Variants in CACNA1B observed in about 807,000 individuals in gnomAD.
CACNA1B encodes voltage-dependent N-type calcium channel subunit alpha-1B.
A neutral mutation model predicts 247.2 loss-of-function variants in CACNA1B; 70 were observed. That is an observed-to-expected ratio of 0.28 (90% CI 0.23 to 0.35). The LOEUF (loss-of-function observed/expected upper bound fraction) is 0.35. Ranked by LOEUF, CACNA1B falls within the 10% of genes least tolerant of loss-of-function variation. The pLI, the probability that CACNA1B is intolerant of heterozygous loss-of-function variation, is 1.00. For missense variants in CACNA1B, 2,367 were observed against 3,197.4 expected (o/e 0.74, Z 6.26); for synonymous variants, 1,231 against 1,294.4 (o/e 0.95, Z 1.05).
chr9:137,955,961 T>C lies in CACNA1B; in HGVS notation c.1186+148T>C, dbSNP rs2133343478. 4.5e-6 allele frequency: 3 copies of C among 662,460 alleles called. No homozygotes were observed. The highest frequency in any genetic ancestry group is 1.7e-5 in the South Asian group (1 of 60,350). The allele number at this position is 662,460 out of a possible 1,614,324, so 41.0% of individuals were successfully genotyped here. ...TGAGCAGAGTGAGAAGGGATTTCTC[T>C]CTAGCTCACCCAGGGGCCTGGCACC... is the stretch of plus-strand genomic sequence containing the variant. On this transcript the variant is annotated intron_variant, in intron 8 of 46. Transcript: ENST00000371372. The surrounding 1 kb of genome is among the most constrained non-coding windows in gnomAD (Gnocchi z 6.9).
chr9:138,048,131 A>T (rs1172695342), intron 23 of CACNA1B, among the ~76,000 whole-genome samples: 4 of 152,210 alleles, frequency 2.6e-5, no homozygotes, highest in Non-Finnish European at 5.9e-5. Flanking sequence ...ATGCATGAAC[A>T]CGTTACCTCT....
At position 137,956,808 on chromosome 9, in the gene CACNA1B, G is replaced by A; in HGVS notation, c.1224G>A (p.Glu408=). The change falls in exon 9 of 47, where the codon GAG becomes GAA. Residue 408 remains glutamate (E), a synonymous_variant. Transcript: ENST00000371372. ...VMLAEEDRNA[E]EKSPLDVLKR... ...TGGCCGAGGAGGACAGGAATGCAGA[G>A]GAGAAGTCCCCTTTGGACGGTAGGT... is the stretch of plus-strand genomic sequence containing the variant. The A allele has an allele frequency of 6.2e-7, 1 of 1,613,794 alleles. No homozygotes were observed. Among genetic ancestry groups the A allele is most frequent in the South Asian group, 1.1e-5 (1 of 91,074 alleles).
intron 16 of CACNA1B, among the ~76,000 whole-genome samples, chr9:138,009,221 G>A (rs886620185): frequency 2.0e-5 from 3 of 152,212 alleles, no homozygotes; most frequent in African/African-American, 7.2e-5. Flanking sequence ...CTTCCCTTTG[G>A]GCCTTGGTTT....
Position 137,971,099 on chromosome 9 carries a change from T to G in CACNA1B, c.1334-284T>G, listed in dbSNP as rs1958141281. ...GAGAGTGGCCTGGGGGCATCAGGGC[T>G]GTGCTCCTAGAAGGTGGCTGGGGAT... On this transcript the variant is annotated intron_variant, in intron 10 of 46. Coordinates refer to ENST00000371372, the MANE Select transcript of CACNA1B (RefSeq NM_000718.4). This position sits in a 1 kb window ranked among gnomAD's most constrained non-coding sequence, Gnocchi z 4.4. 6.6e-6 allele frequency among the ~76,000 whole-genome samples: 1 copy of G among 152,124 alleles called. No individual in the cohort carries two copies.
chr9:138,023,701 G>C lies in CACNA1B; in HGVS notation c.2958G>C (p.Gln986His). ...GGCACCGGGCCCGGCACAAGGCGCA[G>C]CCTGCTCACGAGGCTGTGGAGAAGG... ...ARRHRARHKA[Q>H]PAHEAVEKET... is the part of the protein sequence containing the mutation. Residue 986 changes from glutamine to histidine, a missense_variant, in exon 19 of 47, where the codon CAG becomes CAC. Gln to His is a conservative substitution (Grantham distance 24, BLOSUM62 0). This residue lies in a region of CACNA1B where 631 missense variants were observed against 631.1 expected (regional missense o/e 1.00). Coordinates refer to ENST00000371372, the MANE Select transcript of CACNA1B (RefSeq NM_000718.4). The C allele has an allele frequency of 6.5e-7, 1 of 1,540,154 alleles. No homozygotes were observed. The highest frequency in any genetic ancestry group is 8.8e-7 in the Non-Finnish European group (1 of 1,142,642).
intron 42 of CACNA1B, among the ~76,000 whole-genome samples, chr9:138,116,036 C>T (rs905508102): frequency 3.9e-5 from 6 of 152,334 alleles, no homozygotes; most frequent in African/African-American, 7.2e-5. Context: ...TCATCGAACC[C>T]GCCTTCCTAA....
chr9:137,901,478 AC>A (rs1482985015), intron 3 of CACNA1B, among the ~76,000 whole-genome samples: 1 of 152,014 alleles, frequency 6.6e-6, no homozygotes, highest in Admixed American at 6.6e-5. Context: ...GGCGCATACC[AC>A]CAAGCCCAGC....
chr9:138,019,630 G>A (rs1958817228), intron 18 of CACNA1B, among the ~76,000 whole-genome samples: 1 of 151,948 alleles, frequency 6.6e-6, no homozygotes, highest in African/African-American at 2.4e-5. Flanking sequence ...TAGTGGTGGT[G>A]AGGCCCCTGC....
chr9:137,984,847 G>T (rs1009791475), intron 13 of CACNA1B, among the ~76,000 whole-genome samples: 1 of 152,240 alleles, frequency 6.6e-6, no homozygotes, highest in African/African-American at 2.4e-5. Flanking sequence ...CCTACAAAGA[G>T]ACTGAAGCCC....
At position 138,051,942 on chromosome 9, in the gene CACNA1B, C is replaced by T. The variant is rs1476230853; in HGVS notation, c.3711-150C>T. Reference sequence around the variant, plus strand: ...GAGTCATGGTGGCCTGTGGCACCTGCAGGGCAAGGCCTCTCTGCTCCTGGG... The same window carrying T: ...GAGTCATGGTGGCCTGTGGCACCTGTAGGGCAAGGCCTCTCTGCTCCTGGG... On this transcript the variant is annotated intron_variant, in intron 24 of 46. Transcript: ENST00000371372. This position sits in a 1 kb window ranked among gnomAD's most constrained non-coding sequence, Gnocchi z 4.3. 1.1e-5 allele frequency: 6 copies of T among 564,604 alleles called. No homozygotes were observed. Among genetic ancestry groups the T allele is most frequent in the Admixed American group, 5.8e-5 (2 of 34,342 alleles). 35.0% of individuals were successfully genotyped at this position (564,604 alleles called of 1,614,324 possible). A position where few individuals can be genotyped will look rare whatever the true frequency, so the allele number is the denominator to read the frequency against.
chr9:137,918,164 C>T (rs774881465), intron 6 of CACNA1B, among the ~76,000 whole-genome samples: 8 of 152,112 alleles, frequency 5.3e-5, no homozygotes, highest in South Asian at 2.1e-4. Flanking sequence ...CTGCAGTTTA[C>T]GGCAGCCTGG....
intron 6 of CACNA1B, among the ~76,000 whole-genome samples, chr9:137,924,323 T>TCCTC (rs377750444): frequency 4.0e-5 from 6 of 151,430 alleles, no homozygotes; most frequent in South Asian, 4.2e-4. Context: ...CTTCTTTCCT[T>TCCTC]CCTCCCTCCC....
At position 137,986,203 on chromosome 9, in the gene CACNA1B, G is replaced by A. The variant is rs1273901203; in HGVS notation, c.1770-210G>A. ...GAGGACGAAGTGAGTCCTCCACTGG[G>A]TGTGTTTTTCTCTGCCTTCCCATGG... On this transcript the variant is annotated intron_variant, in intron 13 of 46. Transcript: ENST00000371372. This position sits in a 1 kb window ranked among gnomAD's most constrained non-coding sequence, Gnocchi z 6.0. Among the ~76,000 whole-genome samples, 1 of 152,202 alleles carries A rather than the reference G, an allele frequency of 6.6e-6. No individual in the cohort carries two copies. Among genetic ancestry groups the A allele is most frequent in the East Asian group, 1.9e-4 (1 of 5,186 alleles).
At position 137,923,237 on chromosome 9, in the gene CACNA1B, ATGGTGCCAGGTGGTATTCCG is replaced by A. The variant is rs1957508260; in HGVS notation, c.966+5826_966+5845del. Among the ~76,000 whole-genome samples the A allele has an allele frequency of 2.1e-4, 10 of 48,264 alleles. No homozygotes were observed. In the East Asian group the frequency reaches 2.1e-3, roughly 10 times the overall value. 31.7% of individuals were successfully genotyped at this position (48,264 alleles called of 152,430 possible). A position where few individuals can be genotyped will look rare whatever the true frequency, so the allele number is the denominator to read the frequency against. On this transcript the variant is annotated intron_variant, in intron 6 of 46. Transcript: ENST00000371372. ...ATTCCGTGGTGCCAGGTGGTATTCC[ATGGTGCCAGGTGGTATTCCG>A]TGGTGCCAGGTGGTATTCCATGGTG...
chr9:138,044,705 G>A (rs372015122), intron 21 of CACNA1B, among the ~76,000 whole-genome samples: 2 of 152,206 alleles, frequency 1.3e-5, no homozygotes, highest in East Asian at 3.9e-4. Flanking sequence ...GCAGGTGGAC[G>A]GGAGGGCAGA....
chr9:137,995,830 AAAAC>A (rs1257449801), intron 15 of CACNA1B, among the ~76,000 whole-genome samples: 17 of 152,340 alleles, frequency 1.1e-4, no homozygotes, highest in African/African-American at 3.6e-4. Flanking sequence ...CAGCAAGAAA[AAAAC>A]AAACAATCTC....
At chr9:138,108,666 T>C (rs916337971) in intron 39 of CACNA1B, among the ~76,000 whole-genome samples, 2 of 151,836 alleles carry the variant, frequency 1.3e-5, no homozygotes, top group South Asian at 4.1e-4. Context: ...TTTTTTTTTT[T>C]GAGATGGAGT....
In CACNA1B at chr9:137,981,923, T is replaced by G. The variant is rs529941700; in HGVS notation, c.1657-2215T>G. ...TGTGCAGCATGCTTAATGTCCAAAA[T>G]TCTATGAACTGTGTGTTAAGTGCGC... is the stretch of plus-strand genomic sequence containing the variant. On this transcript the variant is annotated intron_variant, in intron 12 of 46. Coordinates refer to ENST00000371372, the MANE Select transcript of CACNA1B (RefSeq NM_000718.4). Among the ~76,000 whole-genome samples, 3 of 152,334 alleles carry G rather than the reference T, an allele frequency of 2.0e-5. No individual in the cohort carries two copies. In the South Asian group the frequency reaches 6.2e-4, roughly 32 times the overall value.
At chr9:138,113,190 G>A (rs1287220356) in intron 40 of CACNA1B, among the ~76,000 whole-genome samples, 5 of 149,650 alleles carry the variant, frequency 3.3e-5, no homozygotes, top group Admixed American at 2.0e-4. Context: ...GCGCGGGGAC[G>A]TGCACACCTC....
Sources: gnomAD v4.1 joint callset for allele counts (sites outside exome capture counted in the v4.1 genomes callset) on GRCh38, gnomAD v4.1.1 for gene constraint, gnomAD v4.1.1 regional missense constraint, Gnocchi (gnomAD v3.1) non-coding constraint, MANE v1.5 for transcripts, NCBI Gene and HGNC (gene_info 2026-07-23, HGNC 2026-07-21) for gene names.